The following TRIM15 variants were observed in gnomAD, a reference collection of about 807,000 sequenced individuals.
TRIM15 encodes the protein tripartite motif containing 15, also known as E3 ubiquitin-protein ligase TRIM15.
Under a neutral mutation model 35.8 loss-of-function variants are expected in TRIM15, and 35 were observed. The observed-to-expected ratio is 0.98, with a 90% CI of 0.75 to 1.30. TRIM15 has a LOEUF of 1.30. Among genes scored for constraint, TRIM15 ranks in the 50% most tolerant of loss-of-function variants. TRIM15 has a pLI of 0.00. For synonymous variants in TRIM15, 252 were observed against 249.8 expected, an observed-to-expected ratio of 1.01 and a Z score of -0.08; for missense variants, 590 against 593.5, an observed-to-expected ratio of 0.99 and a Z score of 0.06.
chr6:30,172,336 C>A lies in TRIM15; in HGVS notation c.1385C>A (p.Thr462Lys). 7 of 1,605,408 alleles carry A rather than the reference C, an allele frequency of 4.4e-6. No homozygotes were observed. The highest frequency in any genetic ancestry group is 1.1e-5 in the South Asian group (1 of 90,134). The change falls in exon 7 of 7, where the codon ACG (threonine) becomes AAG (lysine). Residue 462 changes from threonine (T) to lysine (K), a missense_variant. Transcript: ENST00000376694. ...FAVWKKGSCL[T>K]LKG Reference sequence around the variant, plus strand: ...GTCTGGAAAAAAGGTTCCTGCCTTACGCTGAAAGGCTGAAGTGGGGCGCGC... The same window carrying A: ...GTCTGGAAAAAAGGTTCCTGCCTTAAGCTGAAAGGCTGAAGTGGGGCGCGC...
Position 30,172,224 on chromosome 6 carries a change from C to T in TRIM15, c.1273C>T (p.Gln425Ter). The change falls in exon 7 of 7, where the codon CAG becomes TAG. Residue 425 changes from glutamine to a stop codon, truncating the protein, a stop_gained. Coordinates refer to ENST00000376694, the MANE Select transcript of TRIM15 (RefSeq NM_033229.3). LOFTEE classifies it low-confidence loss of function (END_TRUNC). ...VRVALDYEAG[Q>*]VTLHNAQTQE... ...AGTCGCCCTGGACTACGAGGCGGGG[C>T]AGGTGACCCTCCACAACGCCCAGAC... The T allele has an allele frequency of 6.2e-7, 1 of 1,612,070 alleles. No individual in the cohort carries two copies. The highest frequency in any genetic ancestry group is 2.2e-5 in the East Asian group (1 of 44,882).
Position 30,163,639 on chromosome 6 carries a change from C to A in TRIM15, c.-46C>A, listed in dbSNP as rs764039970. 4.5e-6 allele frequency: 7 copies of A among 1,549,716 alleles called. No individual in the cohort carries two copies. The African/African-American group carries it at 9.5e-5, about 21-fold the overall frequency. On this transcript the variant is annotated 5_prime_UTR_variant, in exon 1 of 7. Coordinates refer to ENST00000376694, the MANE Select transcript of TRIM15 (RefSeq NM_033229.3). Reference sequence around the variant, plus strand: ...CTCGATTTCAGGGAAAGGGAACTCGCGTGGGCTGAGGAGACCGGAGTGGAC... The same window carrying A: ...CTCGATTTCAGGGAAAGGGAACTCGAGTGGGCTGAGGAGACCGGAGTGGAC...
At chr6:30,171,554 T>C (rs918340280) in intron 6 of TRIM15, among the ~76,000 whole-genome samples, 3 of 152,240 alleles carry the variant, frequency 2.0e-5, no homozygotes. Context: ...CCTGTTAAAA[T>C]GCAGATTCTG....
At position 30,163,560 on chromosome 6, in the gene TRIM15, CTCTCTGTCTCTT is replaced by C; in HGVS notation, c.-124_-113del. ...TTCTTGCCTCTCTCTCTCTTTCTCT[CTCTCTGTCTCTT>C]AGCCTTGCAGCCGTTTCCCTCTGCG... On this transcript the variant is annotated 5_prime_UTR_variant, in exon 1 of 7. Coordinates refer to ENST00000376694, the MANE Select transcript of TRIM15 (RefSeq NM_033229.3). 1 of 1,286,048 alleles carries C rather than the reference CTCTCTGTCTCTT, an allele frequency of 7.8e-7. No individual in the cohort carries two copies. Among genetic ancestry groups the C allele is most frequent in the Middle Eastern group, 2.7e-4 (1 of 3,662 alleles). The allele number at this position is 1,286,048 out of a possible 1,614,324, so 79.7% of individuals were successfully genotyped here. A position where few individuals can be genotyped will look rare whatever the true frequency, so the allele number is the denominator to read the frequency against.
intron 1 of TRIM15, 120 bp from the exon 2 acceptor site, chr6:30,167,055 TG>T: frequency 1.3e-6 from 1 of 763,760 alleles, no homozygotes; most frequent in Non-Finnish European, 2.2e-6. Context: ...GGGCAAGGAC[TG>T]GGCCTTTTCC....
chr6:30,171,937 C>T lies in TRIM15; in HGVS notation c.986C>T (p.Pro329Leu). The T allele has an allele frequency of 6.3e-7, 1 of 1,597,428 alleles. No individual in the cohort carries two copies. The highest frequency in any genetic ancestry group is 8.5e-7 in the Non-Finnish European group (1 of 1,172,204). The change falls in exon 7 of 7, where the codon CCC becomes CTC. Residue 329 changes from proline (P) to leucine (L), a missense_variant. Pro to Leu is a moderately conservative substitution (Grantham distance 98). Coordinates refer to ENST00000376694, the MANE Select transcript of TRIM15 (RefSeq NM_033229.3). ...TRQKKSLPDSPLRFDGLPAVL... is the reference protein window; with the variant it reads ...TRQKKSLPDSLLRFDGLPAVL... ...CAGAAGAAGAGCCTGCCAGACAGCC[C>T]CCTGCGCTTCGACGGCCTCCCGGCG...
At chr6:30,168,100 C>T (rs1039216184) in intron 2 of TRIM15, among the ~76,000 whole-genome samples, 200 bp from the exon 3 acceptor site, 1 of 152,196 alleles carries the variant, frequency 6.6e-6, no homozygotes, top group East Asian at 1.9e-4. Flanking sequence ...ATTAGAGTAT[C>T]TAGCTAAGAC....
At position 30,172,590 on chromosome 6, in the gene TRIM15, G is replaced by A. The variant is rs1774122382; in HGVS notation, c.*241G>A. 4 of 724,898 alleles carry A rather than the reference G, an allele frequency of 5.5e-6. No individual in the cohort carries two copies. Among genetic ancestry groups the A allele is most frequent in the Admixed American group, 2.0e-5 (1 of 49,512 alleles). 44.9% of individuals were successfully genotyped at this position (724,898 alleles called of 1,614,324 possible). On this transcript the variant is annotated 3_prime_UTR_variant, in exon 7 of 7. Coordinates refer to ENST00000376694, the MANE Select transcript of TRIM15 (RefSeq NM_033229.3). ...TACCTCAGAGTGCAGAACCACAGAC[G>A]GCTTCGGCTGTGCCTAGGGCAACAG...
rs1406715096 is a variant in TRIM15, at chr6:30,172,048, G to C, written c.1097G>C (p.Gly366Ala). 3.8e-6 allele frequency: 6 copies of C among 1,569,724 alleles called. No homozygotes were observed. Among genetic ancestry groups the C allele is most frequent in the Non-Finnish European group, 5.2e-6 (6 of 1,157,550 alleles). Reference sequence around the variant, plus strand: ...GGCGACGGCGGCGGCTGCACGGTGGGGGTGGCCGGGGAGGGGGTGAGGAGG... The same window carrying C: ...GGCGACGGCGGCGGCTGCACGGTGGCGGTGGCCGGGGAGGGGGTGAGGAGG... ...QLGDGGGCTV[G>A]VAGEGVRRKG... The change falls in exon 7 of 7, where the codon GGG becomes GCG. Residue 366 changes from glycine (G) to alanine (A), a missense_variant. Transcript: ENST00000376694.
Position 30,168,495 on chromosome 6 carries a change from G to A in TRIM15, c.673G>A (p.Glu225Lys), listed in dbSNP as rs546707380. ...RLGAQVKELE[E>K]KCQQPASELL... ...TGGAGCCCAGGTCAAGGAGCTGGAGGAGAAGTGTCAGCAGCCAGCAAGTGA... is the reference window on the plus strand; with the variant it reads ...TGGAGCCCAGGTCAAGGAGCTGGAGAAGAAGTGTCAGCAGCCAGCAAGTGA... Residue 225 changes from glutamate to lysine, a missense_variant, in exon 3 of 7, where the codon GAG becomes AAG. Glu to Lys is a moderately conservative substitution (Grantham distance 56). Coordinates refer to ENST00000376694, the MANE Select transcript of TRIM15 (RefSeq NM_033229.3). 8 of 1,607,554 alleles carry A rather than the reference G, an allele frequency of 5.0e-6. No homozygotes were observed. In the Middle Eastern group the frequency reaches 5.0e-4, roughly 100 times the overall value.
intron 5 of TRIM15, 122 bp from the exon 6 acceptor site, chr6:30,170,854 C>T (rs1773963200): frequency 8.5e-7 from 1 of 1,180,436 alleles, no homozygotes; most frequent in Non-Finnish European, 1.2e-6. Flanking sequence ...CTCCACTAGA[C>T]CACAGCAGAA....
intron 6 of TRIM15, 55 bp downstream of exon 6, chr6:30,171,063 G>A (rs1773982423): frequency 2.6e-6 from 4 of 1,567,740 alleles, no homozygotes; most frequent in African/African-American, 1.4e-5. Flanking sequence ...TCAATCCATG[G>A]CAGCAAACAG....
intron 1 of TRIM15, 111 bp downstream of exon 1, chr6:30,164,176 T>C: frequency 6.9e-7 from 1 of 1,451,906 alleles, no homozygotes; most frequent in Non-Finnish European, 9.2e-7. Context: ...CAGGGAACCC[T>C]AAGGTTACAG....
chr6:30,163,887 C>A lies in TRIM15; in HGVS notation c.203C>A (p.Thr68Asn), dbSNP rs1349685832. The change falls in exon 1 of 7, where the codon ACT (threonine) becomes AAT (asparagine). Residue 68 changes from threonine to asparagine, a missense_variant. Physicochemically the swap from Thr to Asn is moderately conservative, Grantham distance 65 (BLOSUM62 0). Transcript: ENST00000376694. Reference protein sequence around the residue: ...PLCQEEEQAETPMAPVPLGPL... With the variant: ...PLCQEEEQAENPMAPVPLGPL... ...TGCCAAGAGGAGGAGCAGGCAGAGA[C>A]TCCCATGGCCCCTGTGCCCCTGGGC... 6.2e-7 allele frequency: 1 copy of A among 1,613,066 alleles called. No homozygotes were observed. The highest frequency in any genetic ancestry group is 1.7e-5 in the Admixed American group (1 of 60,028).
chr6:30,172,501 A>G lies in TRIM15; in HGVS notation c.*152A>G, dbSNP rs1774114378. The G allele has an allele frequency of 4.2e-6, 5 of 1,196,078 alleles. No individual in the cohort carries two copies. Among genetic ancestry groups the G allele is most frequent in the Non-Finnish European group, 5.9e-6 (5 of 852,262 alleles). 74.1% of individuals were successfully genotyped at this position (1,196,078 alleles called of 1,614,324 possible). On this transcript the variant is annotated 3_prime_UTR_variant, in exon 7 of 7. Coordinates refer to ENST00000376694, the MANE Select transcript of TRIM15 (RefSeq NM_033229.3). ...CTCGAACAGCGGTTGTTTTTACTTT[A>G]TTTATCTTAGGCCCTCAGCTCCCTG...
In TRIM15 at chr6:30,169,385, G is replaced by A. The variant is rs1409240547; in HGVS notation, c.731+122G>A. The A allele has an allele frequency of 9.6e-6, 10 of 1,043,170 alleles. No homozygotes were observed. The Admixed American group carries it at 1.6e-4, about 17-fold the overall frequency. The allele number at this position is 1,043,170 out of a possible 1,614,324, so 64.6% of individuals were successfully genotyped here. A position where few individuals can be genotyped will look rare whatever the true frequency, so the allele number is the denominator to read the frequency against. On this transcript the variant is annotated intron_variant, in intron 4 of 6. Coordinates refer to ENST00000376694, the MANE Select transcript of TRIM15 (RefSeq NM_033229.3). Reference sequence around the variant, plus strand: ...GCAAAGGCACTCTGGCAGACACACTGTCTCATTCAACTGTGCACAAACAGT... The same window carrying A: ...GCAAAGGCACTCTGGCAGACACACTATCTCATTCAACTGTGCACAAACAGT...
rs753965939 is a variant in TRIM15, at chr6:30,172,148, C to T, written c.1197C>T (p.Ser399=). ...TCTCGCACCAGCAGTGCTGGGCCAG[C>T]ACCTCCCCGGGCACCGACCTGCCGC... is the stretch of plus-strand genomic sequence containing the variant. ...VIISHQQCWA[S]TSPGTDLPLS... Residue 399 remains serine, a synonymous_variant, in exon 7 of 7, where the codon AGC becomes AGT. Transcript: ENST00000376694. 12 of 1,589,248 alleles carry T rather than the reference C, an allele frequency of 7.6e-6. No individual in the cohort carries two copies. In the African/African-American group the frequency reaches 8.1e-5, roughly 11 times the overall value.
chr6:30,170,592 C>T lies in TRIM15; in HGVS notation c.823C>T (p.Pro275Ser), dbSNP rs1389454709. ...RDFHRKILTL[P>S]EMMRMFSENL... ...TTTCCACAGGAAAATACTCACCCTC[C>T]CAGAGATGATGAGGATGTTCTCAGG... The change falls in exon 5 of 7, where the codon CCA becomes TCA. Residue 275 changes from proline to serine, a missense_variant. By Grantham distance (74) the Pro-to-Ser change is moderately conservative. Transcript: ENST00000376694. The T allele has an allele frequency of 6.2e-7, 1 of 1,613,940 alleles. No homozygotes were observed. The highest frequency in any genetic ancestry group is 8.5e-7 in the Non-Finnish European group (1 of 1,179,940).
At position 30,171,008 on chromosome 6, in the gene TRIM15, G is replaced by A. The variant is rs781546385; in HGVS notation, c.880G>A (p.Gly294Arg). 3 of 1,610,982 alleles carry A rather than the reference G, an allele frequency of 1.9e-6. No individual in the cohort carries two copies. Among genetic ancestry groups the A allele is most frequent in the African/African-American group, 2.7e-5 (2 of 74,836 alleles). Residue 294 changes from glycine to arginine, a missense_variant and splice_region_variant, in exon 6 of 7, where the codon GGG becomes AGG. Transcript: ENST00000376694. Reference protein sequence around the residue: ...NLAHHLEIDSGVITLDPQTAS... With the variant: ...NLAHHLEIDSRVITLDPQTAS... ...GGCGCATCATCTGGAAATAGATTCAGGTAAACAGCTTGGGATTTGGGGAGT... is the reference window on the plus strand; with the variant it reads ...GGCGCATCATCTGGAAATAGATTCAAGTAAACAGCTTGGGATTTGGGGAGT...
Sources: allele counts gnomAD v4.1 joint callset (sites outside exome capture counted in the v4.1 genomes callset), GRCh38; gene constraint gnomAD v4.1.1; transcripts MANE v1.5; gene names NCBI Gene and HGNC (gene_info 2026-07-23, HGNC 2026-07-21).